APPL1: variants seen among roughly 807,000 people sequenced by gnomAD.
The protein encoded by APPL1 is DCC-interacting protein 13-alpha.
APPL1 carries 42 observed loss-of-function variants against 106.8 expected under a neutral mutation model. That is an observed-to-expected ratio of 0.39 (90% CI 0.31 to 0.51). APPL1 has a LOEUF of 0.51. APPL1 is among the 20% of genes least tolerant of loss of function. The pLI, the probability that APPL1 is intolerant of heterozygous loss-of-function variation, is 0.75. For missense variants in APPL1, 769 were observed against 858.2 expected, an observed-to-expected ratio of 0.90 and a Z score of 1.30; for synonymous variants, 263 against 281.8, an observed-to-expected ratio of 0.93 and a Z score of 0.67.
chr3:57,232,666 T>C (rs537826862), intron 1 of APPL1, among the ~76,000 whole-genome samples: 2 of 152,292 alleles, frequency 1.3e-5, no homozygotes, highest in South Asian at 4.1e-4. Context: ...CAGAGAATGA[T>C]AATGTATAGG....
intron 6 of APPL1, 62 bp downstream of exon 6, chr3:57,242,204 C>A: frequency 7.9e-7 from 1 of 1,259,504 alleles, no homozygotes; most frequent in Non-Finnish European, 1.1e-6. Context: ...CAGTGCATAT[C>A]TGTGGCCAGA....
chr3:57,265,735 C>A (rs2060891437), intron 19 of APPL1, among the ~76,000 whole-genome samples: 1 of 152,060 alleles, frequency 6.6e-6, no homozygotes, highest in African/African-American at 2.4e-5. Flanking sequence ...AATTTGGATG[C>A]CTTTTTTCCT....
chr3:57,254,571 AG>A (rs2060824932), intron 13 of APPL1, among the ~76,000 whole-genome samples: 1 of 152,228 alleles, frequency 6.6e-6, no homozygotes, highest in Non-Finnish European at 1.5e-5. Context: ...TGCAGATAAG[AG>A]AAAAAAAGAA....
At chr3:57,247,987 T>A (rs1380189157) in intron 9 of APPL1, among the ~76,000 whole-genome samples, 3 of 152,226 alleles carry the variant, frequency 2.0e-5, no homozygotes, top group Non-Finnish European at 2.9e-5. Flanking sequence ...CTTCATTTGT[T>A]TTTTGAATTT....
At chr3:57,265,504 T>A (rs2060889918) in intron 19 of APPL1, among the ~76,000 whole-genome samples, 1 of 151,936 alleles carries the variant, frequency 6.6e-6, no homozygotes. Flanking sequence ...GTATTTAATT[T>A]TATCTGTGGC....
At chr3:57,234,270 A>G (rs1317643188) in intron 1 of APPL1, among the ~76,000 whole-genome samples, 1 of 145,280 alleles carries the variant, frequency 6.9e-6, no homozygotes, top group Non-Finnish European at 1.5e-5. Flanking sequence ...TAGTTTCCTT[A>G]TCTTTGACAA....
At chr3:57,246,500 C>A (rs1471799217) in intron 8 of APPL1, among the ~76,000 whole-genome samples, 1 of 152,146 alleles carries the variant, frequency 6.6e-6, no homozygotes, top group Non-Finnish European at 1.5e-5. Context: ...TTCAGAGTTA[C>A]ACCTATTGCT....
intron 13 of APPL1, among the ~76,000 whole-genome samples, chr3:57,254,817 G>T (rs2107606048): frequency 6.6e-6 from 1 of 152,144 alleles, no homozygotes; most frequent in African/African-American, 2.4e-5. Flanking sequence ...TAGAGACAGG[G>T]TTTTGCCATG....
chr3:57,237,931 C>A, intron 3 of APPL1, 114 bp from the exon 4 acceptor site: 2 of 737,540 alleles, frequency 2.7e-6, no homozygotes, highest in Non-Finnish European at 4.4e-6. Context: ...TATTTTAGAG[C>A]TTTTTCAAAA....
intron 20 of APPL1, chr3:57,268,082 GA>G: frequency 4.1e-6 from 2 of 489,692 alleles, no homozygotes; most frequent in Non-Finnish European, 7.2e-6. Context: ...AACAGAGCGA[GA>G]CTGTATCTCA....
At position 57,227,771 on chromosome 3, in the gene APPL1, C is replaced by CGGCTGCAGCCCTTGCCGGAGAG. The variant is rs2060658931; in HGVS notation, c.-109_-88dup. On this transcript the variant is annotated 5_prime_UTR_variant, in exon 1 of 22. Transcript: ENST00000288266. ...CTGGAGAAGGCTGTGCGGGCGGGGA[C>CGGCTGCAGCCCTTGCCGGAGAG]GGCTGCAGCCCTTGCCGGAGAGGGC... is the stretch of plus-strand genomic sequence containing the variant. 1.1e-6 allele frequency: 1 copy of CGGCTGCAGCCCTTGCCGGAGAG among 898,704 alleles called. No individual in the cohort carries two copies. The highest frequency in any genetic ancestry group is 1.5e-6 in the Non-Finnish European group (1 of 669,090). 55.7% of individuals were successfully genotyped at this position (898,704 alleles called of 1,614,324 possible).
chr3:57,264,412 T>C (rs570908345), intron 19 of APPL1, among the ~76,000 whole-genome samples: 125 of 152,228 alleles, frequency 8.2e-4, no homozygotes, highest in Non-Finnish European at 1.6e-3. Flanking sequence ...CATTTTTGCT[T>C]TAGTTGCCTG....
At position 57,256,977 on chromosome 3, in the gene APPL1, T is replaced by C. The variant is rs982725239; in HGVS notation, c.1173T>C (p.Asn391=). Residue 391 remains asparagine, a synonymous_variant, in exon 14 of 22, where the codon AAT becomes AAC. Transcript: ENST00000288266. ...AATAGGAAACTGCTGCACGAGTAAA[T>C]CAATCAGCTCTGGAAGCTGTCACTC... ...ENPEETAARV[N]QSALEAVTPS... The C allele has an allele frequency of 1.2e-6, 2 of 1,614,130 alleles. No homozygotes were observed. The highest frequency in any genetic ancestry group is 1.7e-6 in the Non-Finnish European group (2 of 1,180,012).
At chr3:57,240,335 C>T (rs2060738993) in intron 4 of APPL1, 130 bp from the exon 5 acceptor site, 2 of 681,762 alleles carry the variant, frequency 2.9e-6, no homozygotes, top group Admixed American at 2.7e-5. Flanking sequence ...TGTACTATAT[C>T]ACATAATTTT....
rs372306303 is a variant in APPL1, at chr3:57,247,475, G to A, written c.702G>A (p.Gln234=). Residue 234 remains glutamine, a splice_region_variant and synonymous_variant, in exon 9 of 22, where the codon CAG becomes CAA. Transcript: ENST00000288266. ...TAGCTAATATTGGAACAAGCGTTCA[G>A]AAGTAAGTATTTTTTTCCTTAAAAT... ...EFLANIGTSV[Q]NVRREMDSDI... is the part of the protein sequence containing the mutation. 6.3e-7 allele frequency: 1 copy of A among 1,582,066 alleles called. No homozygotes were observed. The highest frequency in any genetic ancestry group is 1.7e-4 in the Middle Eastern group (1 of 6,004).
rs757479184 is a variant in APPL1, at chr3:57,268,429, TAG to T, written c.1932_1933del (p.Arg644SerfsTer11). The T allele has an allele frequency of 1.9e-6, 3 of 1,600,246 alleles. No individual in the cohort carries two copies. Among genetic ancestry groups the T allele is most frequent in the Non-Finnish European group, 1.7e-6 (2 of 1,172,142 alleles). On this transcript the variant is annotated frameshift_variant, in exon 21 of 22. Transcript: ENST00000288266. LOFTEE classifies it high-confidence loss of function. Reference sequence around the variant, plus strand: ...AGGGCATCAGAAAAACAAAAAGAAATAGAGAGAGTAAAAGAGAAGCAACAGAA... The same window carrying T: ...AGGGCATCAGAAAAACAAAAAGAAATAGAGAGTAAAAGAGAAGCAACAGAA...
rs1234185365 is a variant in APPL1 at position 57,228,945 on chromosome 3, G to A, written c.54+1008G>A. Among the ~76,000 whole-genome samples the A allele has an allele frequency of 6.6e-6, 1 of 152,206 alleles. No individual in the cohort carries two copies. The highest frequency in any genetic ancestry group is 6.5e-5 in the Admixed American group (1 of 15,286). On this transcript the variant is annotated intron_variant, in intron 1 of 21. Coordinates refer to ENST00000288266, the MANE Select transcript of APPL1 (RefSeq NM_012096.3). This position sits in a 1 kb window ranked among gnomAD's most constrained non-coding sequence, Gnocchi z 4.6. ...CCCCCAAAGAAGAAAAGCAGAAGAG[G>A]TCTAGATCTCCTTTTCCTGGATGGC...
intron 6 of APPL1, 93 bp downstream of exon 6, chr3:57,242,235 A>AAAACC: frequency 1.1e-6 from 1 of 948,942 alleles, no homozygotes. Flanking sequence ...TAATTGAAAA[A>AAAACC]AAACCAATTA....
chr3:57,260,008 T>C lies in APPL1; in HGVS notation c.1647T>C (p.Cys549=). 6.2e-7 allele frequency: 1 copy of C among 1,613,664 alleles called. No homozygotes were observed. The highest frequency in any genetic ancestry group is 8.5e-7 in the Non-Finnish European group (1 of 1,179,928). The stretch of plus-strand genomic sequence containing the variant: ...CAGAATCGCATTTATTAGTCACTTG[T>C]GACTGTTTAAAGTAAGTAAAACCCT... ...RMTESHLLVT[C]DCLKLIDPQT... The change falls in exon 17 of 22, where the codon TGT becomes TGC. Residue 549 remains cysteine (C), a synonymous_variant. Transcript: ENST00000288266.
Sources: gnomAD v4.1 joint callset for allele counts (sites outside exome capture counted in the v4.1 genomes callset) on GRCh38, gnomAD v4.1.1 for gene constraint, Gnocchi (gnomAD v3.1) non-coding constraint, MANE v1.5 for transcripts, NCBI Gene and HGNC (gene_info 2026-07-23, HGNC 2026-07-21) for gene names.